LPIN1: variants seen among roughly 807,000 people sequenced by gnomAD.
LPIN1 encodes the protein phosphatidate phosphatase LPIN1.
A neutral mutation model predicts 107.5 loss-of-function variants in LPIN1; 71 were observed. The ratio of observed to expected loss-of-function variants is 0.66; its 90% CI spans 0.55 to 0.80. The LOEUF is 0.80. Among genes scored for constraint, LPIN1 ranks in the 30% least tolerant of loss-of-function variants. The probability of loss-of-function intolerance (pLI) is 0.00; values close to 1 mark genes in which losing one functional copy is unlikely to be tolerated. For synonymous variants in LPIN1, 445 were observed against 452.6 expected, an observed-to-expected ratio of 0.98 and a Z score of 0.21; for missense variants, 1,043 against 1,160.6, an observed-to-expected ratio of 0.90 and a Z score of 1.47.
At chr2:11,679,092 C>T (rs1210082721) in intron 1 of LPIN1, among the ~76,000 whole-genome samples, 3 of 152,220 alleles carry the variant, frequency 2.0e-5, no homozygotes, top group Non-Finnish European at 4.4e-5. Context: ...GTCTCATGCC[C>T]CGCAGGACTG....
intron 1 of LPIN1, among the ~76,000 whole-genome samples, chr2:11,709,172 C>T (rs557673448): frequency 6.6e-6 from 1 of 152,358 alleles, no homozygotes; most frequent in African/African-American, 2.4e-5. Context: ...TTCACCCCAT[C>T]TCCCCCCTAC....
At chr2:11,792,258 C>A in intron 13 of LPIN1, 1 of 415,446 alleles carries the variant, frequency 2.4e-6, no homozygotes, top group Non-Finnish European at 4.4e-6. Flanking sequence ...CCAGTCACTC[C>A]CTCATGGTAA....
At chr2:11,805,572 C>T in intron 17 of LPIN1, 1 of 322,176 alleles carries the variant, frequency 3.1e-6, no homozygotes, top group South Asian at 2.7e-5. Flanking sequence ...GTTGCAGACC[C>T]TGCGAGCCAA....
rs545516000 is a variant in LPIN1, at chr2:11,741,362, G to A, written c.-58G>A. The A allele has an allele frequency of 4.3e-5, 67 of 1,548,430 alleles. 1 individual carries two copies. The highest frequency in any genetic ancestry group is 3.4e-4 in the Admixed American group (17 of 50,536). ...GTGTGTCCACAGGTAACTCTGAAGC[G>A]TGAGCTGCCAGAATTCAAGGCCACC... On this transcript the variant is annotated 5_prime_UTR_variant, in exon 2 of 22. Coordinates refer to the LPIN1 transcript ENST00000396097.
rs79913567 is a variant in LPIN1, at chr2:11,701,073, G to C, written c.82-12683G>C. ...GTGTCCTCACTGGCTATAAGGCCAA[G>C]GTTATTCTTGTCTCCTTGAAGCCTT... On this transcript the variant is annotated intron_variant, in intron 1 of 21. Coordinates refer to the LPIN1 transcript ENST00000449576. Among the ~76,000 whole-genome samples the C allele has an allele frequency of 5.5e-3, 838 of 152,278 alleles. 31 individuals are homozygous for C. The East Asian group carries it at 0.11, about 20-fold the overall frequency.
upstream of LPIN1, among the ~76,000 whole-genome samples, chr2:11,719,791 CTTTTTTTT>C: frequency 7.5e-6 from 1 of 132,778 alleles, no homozygotes; most frequent in Admixed American, 7.8e-5. Flanking sequence ...CCAATTGCTT[CTTTTTTTT>C]TTTTTTTTTT....
In LPIN1 at chr2:11,683,586, G is replaced by A. The variant is rs150345246; in HGVS notation, c.81+5858G>A. Reference sequence around the variant, plus strand: ...AGGTCTGAGATGGCTTTTACTCTGGGAAGTAACGGGTCCGCCCTTCTTTGT... The same window carrying A: ...AGGTCTGAGATGGCTTTTACTCTGGAAAGTAACGGGTCCGCCCTTCTTTGT... On this transcript the variant is annotated intron_variant, in intron 1 of 21. Transcript: ENST00000449576. Among the ~76,000 whole-genome samples the A allele has an allele frequency of 2.0e-3, 304 of 152,298 alleles. 2 individuals are homozygous for A. The highest frequency in any genetic ancestry group is 7.1e-3 in the African/African-American group (293 of 41,558).
chr2:11,748,801 A>T (rs1667358114), intron 1 of LPIN1, among the ~76,000 whole-genome samples: 1 of 152,212 alleles, frequency 6.6e-6, no homozygotes, highest in South Asian at 2.1e-4. Flanking sequence ...CGAGGGGTAC[A>T]GGCAGCTTTT....
At chr2:11,766,404 C>T (rs1005558212) in intron 2 of LPIN1, among the ~76,000 whole-genome samples, 1 of 152,172 alleles carries the variant, frequency 6.6e-6, no homozygotes, top group Non-Finnish European at 1.5e-5. Flanking sequence ...TTGCTGCCTG[C>T]AGGGTGGCCA....
chr2:11,712,487 A>G (rs954053262), intron 1 of LPIN1, among the ~76,000 whole-genome samples: 7 of 152,196 alleles, frequency 4.6e-5, no homozygotes, highest in African/African-American at 1.7e-4. Flanking sequence ...CTTATGAGTG[A>G]CTTACGGACA....
intron 2 of LPIN1, among the ~76,000 whole-genome samples, chr2:11,717,743 T>G (rs1663850258): frequency 6.6e-6 from 1 of 152,088 alleles, no homozygotes; most frequent in African/African-American, 2.4e-5. Context: ...CATTTATTCC[T>G]CACAACGGCC....
At chr2:11,755,857 G>T (rs1668599738) in intron 1 of LPIN1, among the ~76,000 whole-genome samples, 1 of 152,062 alleles carries the variant, frequency 6.6e-6, no homozygotes, top group Non-Finnish European at 1.5e-5. Context: ...GAGTAGCTGG[G>T]ACTACAGGTG....
At chr2:11,817,434 T>G (rs1279535734) in intron 18 of LPIN1, 1 of 152,246 alleles carries the variant, frequency 6.6e-6, no homozygotes, top group Non-Finnish European at 1.5e-5. Flanking sequence ...CCTCTGTAGT[T>G]GTGCTTTTTG....
At chr2:11,760,772 G>A (rs1336303198) in intron 1 of LPIN1, among the ~76,000 whole-genome samples, 2 of 152,142 alleles carry the variant, frequency 1.3e-5, no homozygotes, top group African/African-American at 4.8e-5. Flanking sequence ...TCTTTTTCTT[G>A]TGAGTAAAAA....
upstream of LPIN1, chr2:11,746,595 C>T: frequency 1.0e-6 from 1 of 983,764 alleles, no homozygotes; most frequent in Non-Finnish European, 1.2e-6. Context: ...GCCCCGCCCC[C>T]GAAGGCGAGC....
chr2:11,807,323 A>G (rs1678878002), intron 17 of LPIN1, among the ~76,000 whole-genome samples: 1 of 152,152 alleles, frequency 6.6e-6, no homozygotes, highest in Admixed American at 6.5e-5. Context: ...CCTTTCATTT[A>G]GAAGGATTAA....
Position 11,825,763 on chromosome 2 carries a change from AGTT to A in LPIN1, c.*973_*975del, listed in dbSNP as rs1393314066. 6.6e-6 allele frequency: 1 copy of A among 152,258 alleles called. No individual in the cohort carries two copies. The highest frequency in any genetic ancestry group is 1.5e-5 in the Non-Finnish European group (1 of 68,052). The allele number at this position is 152,258 out of a possible 1,614,324, so 9.4% of individuals were successfully genotyped here. ...TGGTTTTAAGAAAATAGTTTCAAGA[AGTT>A]CAACTATATTCTTTTAGATATTATG... On this transcript the variant is annotated 3_prime_UTR_variant, in exon 21 of 21. Coordinates refer to ENST00000674199, the MANE Select transcript of LPIN1 (RefSeq NM_001349206.2). This position sits in a 1 kb window ranked among gnomAD's most constrained non-coding sequence, Gnocchi z 4.1.
rs758294828 is a variant in LPIN1 at position 11,825,186 on chromosome 2, G to T, written c.*395G>T. Reference sequence around the variant, plus strand: ...CCTAGGACAGGGTCAATCGAGGAATGCCAGATGTGCACGGTTTTTGGCAAA... The same window carrying T: ...CCTAGGACAGGGTCAATCGAGGAATTCCAGATGTGCACGGTTTTTGGCAAA... On this transcript the variant is annotated 3_prime_UTR_variant, in exon 21 of 21. Coordinates refer to ENST00000674199, the MANE Select transcript of LPIN1 (RefSeq NM_001349206.2). The surrounding 1 kb of genome is among the most constrained non-coding windows in gnomAD (Gnocchi z 4.1). 19 of 269,404 alleles carry T rather than the reference G, an allele frequency of 7.1e-5. No homozygotes were observed. The highest frequency in any genetic ancestry group is 1.4e-4 in the Non-Finnish European group (19 of 137,194). The allele number at this position is 269,404 out of a possible 1,614,324, so 16.7% of individuals were successfully genotyped here.
At chr2:11,790,883 GC>G (rs890527084) in intron 12 of LPIN1, among the ~76,000 whole-genome samples, 15 of 152,036 alleles carry the variant, frequency 9.9e-5, no homozygotes, top group African/African-American at 3.4e-4. Context: ...AATTTTCTGG[GC>G]TATTTTTGTT....
Sources: gnomAD v4.1 joint callset for allele counts (sites outside exome capture counted in the v4.1 genomes callset) on GRCh38, gnomAD v4.1.1 for gene constraint, Gnocchi (gnomAD v3.1) non-coding constraint, MANE v1.5 for transcripts, NCBI Gene and HGNC (gene_info 2026-07-23, HGNC 2026-07-21) for gene names.